Variants in BTN3A2 observed in about 807,000 individuals in gnomAD.
BTN3A2 encodes butyrophilin protein.
In BTN3A2, 25 loss-of-function variants were observed where a neutral mutation model predicts 37.6. The observed-to-expected ratio is 0.66, with a 90% CI of 0.48 to 0.93. The LOEUF (loss-of-function observed/expected upper bound fraction) is 0.93, where lower values mean the gene tolerates loss of function less well. BTN3A2 is among the 40% of genes least tolerant of loss of function. BTN3A2 has a pLI of 0.00. For synonymous variants in BTN3A2, 122 were observed against 159.4 expected (o/e 0.77, Z 1.77); for missense variants, 266 against 410.9 (o/e 0.65, Z 3.05).
intron 10 of BTN3A2, chr6:26,375,554 A>G: frequency 7.4e-7 from 1 of 1,349,114 alleles, no homozygotes; most frequent in Non-Finnish European, 1.0e-6. Context: ...ACCAGAGGAC[A>G]AGGGAGCCCA....
At chr6:26,372,839 GC>G in intron 5 of BTN3A2, 57 bp from the exon 6 acceptor site, 2 of 1,600,896 alleles carry the variant, frequency 1.2e-6, no homozygotes, top group Non-Finnish European at 1.7e-6. Context: ...TTGGGGTGCT[GC>G]AGGCTGGGGA....
chr6:26,369,042 T>G, intron 4 of BTN3A2, 130 bp downstream of exon 4: 2 of 658,692 alleles, frequency 3.0e-6, no homozygotes, highest in Non-Finnish European at 5.2e-6. Context: ...CCTCCCAACT[T>G]AGCTTCTCTG....
intron 2 of BTN3A2, 34 bp from the exon 3 acceptor site, chr6:26,368,144 T>G (rs771657767): frequency 1.2e-6 from 2 of 1,609,962 alleles, no homozygotes; most frequent in Non-Finnish European, 8.5e-7. Context: ...CCATAGTGTC[T>G]GTCCCACACC....
intron 9 of BTN3A2, 22 bp downstream of exon 9, chr6:26,374,395 C>T (rs1235673034): frequency 1.9e-6 from 3 of 1,608,958 alleles, no homozygotes; most frequent in Non-Finnish European, 2.6e-6. Context: ...GGGTCACATG[C>T]CCTGAATATT....
intron 10 of BTN3A2, chr6:26,375,121 A>C: frequency 3.6e-6 from 1 of 274,650 alleles, no homozygotes; most frequent in Non-Finnish European, 6.8e-6. Context: ...CCACATTTTT[A>C]GATGATGATT....
At chr6:26,369,679 G>C (rs991549908) in intron 4 of BTN3A2, among the ~76,000 whole-genome samples, 1 of 152,140 alleles carries the variant, frequency 6.6e-6, no homozygotes, top group African/African-American at 2.4e-5. Context: ...TCACTGCTGT[G>C]GTTTGGACAA....
At chr6:26,374,534 C>G in intron 9 of BTN3A2, 161 bp downstream of exon 9, 1 of 873,546 alleles carries the variant, frequency 1.1e-6, no homozygotes, top group South Asian at 1.6e-5. Flanking sequence ...ACTCCTGATC[C>G]TGCACACCCC....
intron 3 of BTN3A2, 100 bp from the exon 4 acceptor site, chr6:26,368,465 T>A (rs1377263325): frequency 2.5e-6 from 4 of 1,576,780 alleles, no homozygotes; most frequent in Non-Finnish European, 3.5e-6. Flanking sequence ...TGTTCCCCTC[T>A]AGGTTCTCTG....
Position 26,370,540 on chromosome 6 carries a change from G to A in BTN3A2, c.652G>A (p.Val218Ile), listed in dbSNP as rs972909264. The change falls in exon 5 of 11, where the codon GTA (valine) becomes ATA (isoleucine). Residue 218 changes from valine to isoleucine, a missense_variant. Coordinates refer to ENST00000377708, the MANE Select transcript of BTN3A2 (RefSeq NM_007047.5). Reference sequence around the variant, plus strand: ...CATGAGAGGCGGCTCCGGGGAGGGTGTATCCTGCATCATCAGAAATTCCCT... The same window carrying A: ...CATGAGAGGCGGCTCCGGGGAGGGTATATCCTGCATCATCAGAAATTCCCT... ...VIMRGGSGEG[V>I]SCIIRNSLLG... The A allele has an allele frequency of 4.3e-6, 7 of 1,614,120 alleles. No individual in the cohort carries two copies. The highest frequency in any genetic ancestry group is 3.3e-5 in the South Asian group (3 of 91,092).
rs559705655 is a variant in BTN3A2 at position 26,376,593 on chromosome 6, G to A, written c.*831G>A. The A allele has an allele frequency of 7.0e-7, 1 of 1,434,574 alleles. No individual in the cohort carries two copies. The highest frequency in any genetic ancestry group is 1.4e-5 in the African/African-American group (1 of 70,398). The allele number at this position is 1,434,574 out of a possible 1,614,324, so 88.9% of individuals were successfully genotyped here. Reference sequence around the variant, plus strand: ...TGCAGCAGATGTAATTCTGTATCCAGACATGGCAAATGCCATCCTCCTTGT... The same window carrying A: ...TGCAGCAGATGTAATTCTGTATCCAAACATGGCAAATGCCATCCTCCTTGT... On this transcript the variant is annotated 3_prime_UTR_variant, in exon 11 of 11. Coordinates refer to ENST00000377708, the MANE Select transcript of BTN3A2 (RefSeq NM_007047.5).
Position 26,374,786 on chromosome 6 carries a change from C to T in BTN3A2, c.*22C>T, listed in dbSNP as rs1161221336. 1 of 1,528,684 alleles carries T rather than the reference C, an allele frequency of 6.5e-7. No individual in the cohort carries two copies. The highest frequency in any genetic ancestry group is 9.1e-7 in the Non-Finnish European group (1 of 1,104,618). 94.7% of individuals were successfully genotyped at this position (1,528,684 alleles called of 1,614,324 possible). A position where few individuals can be genotyped will look rare whatever the true frequency, so the allele number is the denominator to read the frequency against. On this transcript the variant is annotated 3_prime_UTR_variant, in exon 10 of 11. Coordinates refer to ENST00000377708, the MANE Select transcript of BTN3A2 (RefSeq NM_007047.5). ...TTCCTTTCAGAATGGAAAAATGGCC[C>T]TCTTCAAGCCTGGTGAGTAAATCAC...
At chr6:26,369,124 A>T (rs983053817) in intron 4 of BTN3A2, among the ~76,000 whole-genome samples, 2 of 151,844 alleles carry the variant, frequency 1.3e-5, no homozygotes, top group Non-Finnish European at 2.9e-5. Context: ...CAAGTAAAGA[A>T]CTCCTTTCCT....
At position 26,370,583 on chromosome 6, in the gene BTN3A2, C is replaced by T; in HGVS notation, c.695C>T (p.Thr232Ile). The change falls in exon 5 of 11, where the codon ACA becomes ATA. Residue 232 changes from threonine to isoleucine, a missense_variant. Physicochemically the swap from Thr to Ile is moderately conservative, Grantham distance 89. Coordinates refer to ENST00000377708, the MANE Select transcript of BTN3A2 (RefSeq NM_007047.5). ...IRNSLLGLEK[T>I]ASISIADPFF... ...AATTCCCTCCTCGGCCTGGAAAAGA[C>T]AGCCAGCATTTCCATCGCAGGTCAG... 1 of 1,614,210 alleles carries T rather than the reference C, an allele frequency of 6.2e-7. No individual in the cohort carries two copies. Among genetic ancestry groups the T allele is most frequent in the Non-Finnish European group, 8.5e-7 (1 of 1,180,032 alleles).
chr6:26,377,454 GAAC>G lies in BTN3A2; in HGVS notation c.*1698_*1700del, dbSNP rs1417448715. 1 of 427,136 alleles carries G rather than the reference GAAC, an allele frequency of 2.3e-6. No individual in the cohort carries two copies. The highest frequency in any genetic ancestry group is 4.3e-6 in the Non-Finnish European group (1 of 230,470). The allele number at this position is 427,136 out of a possible 1,614,324, so 26.5% of individuals were successfully genotyped here. Reference sequence around the variant, plus strand: ...ATAGTGAACAACAGAGCTGGGATCTGAACAACAATGACTAACATTAATGGAGAA... The same window carrying G: ...ATAGTGAACAACAGAGCTGGGATCTGAACAATGACTAACATTAATGGAGAA... On this transcript the variant is annotated 3_prime_UTR_variant, in exon 11 of 11. Transcript: ENST00000377708.
At position 26,370,777 on chromosome 6, in the gene BTN3A2, C is replaced by G. The variant is rs547164857; in HGVS notation, c.715+174C>G. 3.4e-4 allele frequency among the ~76,000 whole-genome samples: 51 copies of G among 152,152 alleles called. 1 individual carries two copies. Among genetic ancestry groups the G allele is most frequent in the African/African-American group, 1.1e-3 (47 of 41,506 alleles). On this transcript the variant is annotated intron_variant, in intron 5 of 10. Coordinates refer to ENST00000377708, the MANE Select transcript of BTN3A2 (RefSeq NM_007047.5). ...AGCTTCTTTCCTCCATAAAGGTGTT[C>G]GTAACACAAACATTTTCTGAACATT...
At chr6:26,373,481 C>A in intron 8 of BTN3A2, 68 bp downstream of exon 8, 1 of 1,547,570 alleles carries the variant, frequency 6.5e-7, no homozygotes, top group Non-Finnish European at 8.7e-7. Context: ...TATTTTCCAG[C>A]CCATAAGTCA....
intron 5 of BTN3A2, among the ~76,000 whole-genome samples, chr6:26,371,511 T>A (rs1760109687): frequency 6.6e-6 from 1 of 152,234 alleles, no homozygotes; most frequent in Non-Finnish European, 1.5e-5. Flanking sequence ...TGTAACTTCC[T>A]GTATTTTTGA....
intron 1 of BTN3A2, among the ~76,000 whole-genome samples, chr6:26,366,070 A>G (rs1762036644): frequency 6.6e-6 from 1 of 152,322 alleles, no homozygotes; most frequent in South Asian, 2.1e-4. Context: ...AACCTAAAGC[A>G]TGATTTCCCA....
chr6:26,369,684 G>T (rs1364861167), intron 4 of BTN3A2, among the ~76,000 whole-genome samples: 1 of 152,152 alleles, frequency 6.6e-6, no homozygotes, highest in Non-Finnish European at 1.5e-5. Flanking sequence ...GCTGTGGTTT[G>T]GACAATGTTC....
Sources: gnomAD v4.1 joint callset for allele counts (sites outside exome capture counted in the v4.1 genomes callset) on GRCh38, gnomAD v4.1.1 for gene constraint, MANE v1.5 for transcripts, NCBI Gene and HGNC (gene_info 2026-07-23, HGNC 2026-07-21) for gene names.